FHIT: variants seen among roughly 807,000 people sequenced by gnomAD.
FHIT encodes fragile histidine triad diadenosine triphosphatase.
Under a neutral mutation model 17.9 loss-of-function variants are expected in FHIT, and 19 were observed. The ratio of observed to expected loss-of-function variants is 1.06; its 90% CI spans 0.74 to 1.56. FHIT has a LOEUF of 1.56. Among genes scored for constraint, FHIT ranks in the 40% most tolerant of loss-of-function variants. FHIT has a pLI of 0.00. For missense variants in FHIT, 248 were observed against 189.2 expected (o/e 1.31, Z -1.82); for synonymous variants, 81 against 69.7 (o/e 1.16, Z -0.81).
intron 5 of FHIT, among the ~76,000 whole-genome samples, chr3:60,282,256 G>A (rs147137050): frequency 8.3e-4 from 127 of 152,226 alleles, no homozygotes; most frequent in Non-Finnish European, 1.4e-3. Flanking sequence ...TTCACAACAC[G>A]AGAATGTATA....
intron 8 of FHIT, among the ~76,000 whole-genome samples, chr3:59,755,931 T>C (rs1439121135): frequency 1.3e-5 from 2 of 152,158 alleles, no homozygotes; most frequent in Non-Finnish European, 2.9e-5. Context: ...GCTTGAACAA[T>C]GAGAAGAACA....
intron 5 of FHIT, among the ~76,000 whole-genome samples, chr3:60,195,791 C>G (rs1702614260): frequency 6.7e-6 from 1 of 149,524 alleles, no homozygotes; most frequent in Non-Finnish European, 1.5e-5. Context: ...AACCAAATAC[C>G]ACGTGTTCTC....
chr3:60,126,825 A>G (rs1275783003), intron 5 of FHIT, among the ~76,000 whole-genome samples: 3 of 152,188 alleles, frequency 2.0e-5, no homozygotes, highest in Non-Finnish European at 4.4e-5. Flanking sequence ...GCCTAGTGTG[A>G]AAATTCAGGA....
At chr3:60,811,922 G>T (rs1553736137) in intron 4 of FHIT, among the ~76,000 whole-genome samples, 1 of 152,140 alleles carries the variant, frequency 6.6e-6, no homozygotes. Context: ...TTAAAAGTCT[G>T]AAATGTTGAC....
intron 5 of FHIT, among the ~76,000 whole-genome samples, chr3:60,169,874 C>T (rs1701342081): frequency 6.6e-6 from 1 of 152,110 alleles, no homozygotes; most frequent in African/African-American, 2.4e-5. Context: ...AAAATGGAAG[C>T]AAAGCTACCC....
intron 5 of FHIT, among the ~76,000 whole-genome samples, chr3:60,327,719 T>C (rs958035679): frequency 6.6e-6 from 1 of 152,164 alleles, no homozygotes; most frequent in Non-Finnish European, 1.5e-5. Flanking sequence ...GCAGAATGGG[T>C]AAGTAAAACA....
chr3:60,505,106 T>TA (rs1234827014), intron 5 of FHIT, among the ~76,000 whole-genome samples: 1 of 152,298 alleles, frequency 6.6e-6, no homozygotes, highest in African/African-American at 2.4e-5. Flanking sequence ...TCATGAGCTG[T>TA]AAAAACAGAA....
intron 5 of FHIT, among the ~76,000 whole-genome samples, chr3:60,021,713 C>A (rs369921659): frequency 6.6e-6 from 1 of 152,168 alleles, no homozygotes; most frequent in East Asian, 1.9e-4. Flanking sequence ...ACCAAGGTCA[C>A]GTAGCTATTA....
At chr3:61,181,378 CCT>C (rs1486116819) in intron 2 of FHIT, among the ~76,000 whole-genome samples, 1 of 151,906 alleles carries the variant, frequency 6.6e-6, no homozygotes. Context: ...TAGTAATATC[CCT>C]CCACTGTATT....
chr3:60,121,616 G>A (rs570861647), intron 5 of FHIT, among the ~76,000 whole-genome samples: 20 of 152,052 alleles, frequency 1.3e-4, no homozygotes, highest in South Asian at 8.3e-4. Context: ...CCAAGGAGGC[G>A]GAGGTGGCAG....
At chr3:60,560,221 A>G (rs1303463142) in intron 4 of FHIT, among the ~76,000 whole-genome samples, 1 of 152,172 alleles carries the variant, frequency 6.6e-6, no homozygotes, top group Non-Finnish European at 1.5e-5. Flanking sequence ...TTAACTAATT[A>G]GTATACCATA....
chr3:60,811,963 C>A (rs782469763), intron 4 of FHIT, among the ~76,000 whole-genome samples: 1 of 152,004 alleles, frequency 6.6e-6, no homozygotes, highest in African/African-American at 2.4e-5. Flanking sequence ...CTACTAATTA[C>A]AAGTAAAACA....
At chr3:60,325,990 G>A (rs912907561) in intron 5 of FHIT, among the ~76,000 whole-genome samples, 4 of 152,102 alleles carry the variant, frequency 2.6e-5, no homozygotes, top group East Asian at 1.9e-4. Flanking sequence ...ACTATCAAGC[G>A]AGGGCACTTC....
chr3:60,982,161 C>T (rs1198217566), intron 3 of FHIT, among the ~76,000 whole-genome samples: 1 of 152,234 alleles, frequency 6.6e-6, no homozygotes, highest in African/African-American at 2.4e-5. Context: ...CCCTTCAGTG[C>T]TTTCCCTGCT....
intron 4 of FHIT, among the ~76,000 whole-genome samples, chr3:60,785,924 C>CACAA (rs1559720928): frequency 8.5e-6 from 1 of 117,476 alleles, no homozygotes; most frequent in Non-Finnish European, 1.9e-5. Context: ...CACACACACA[C>CACAA]ACACACACAC....
At chr3:59,982,002 G>A (rs1708675988) in intron 7 of FHIT, among the ~76,000 whole-genome samples, 2 of 151,986 alleles carry the variant, frequency 1.3e-5, no homozygotes, top group South Asian at 4.1e-4. Flanking sequence ...AAAATCAGTT[G>A]ACTTCACTTC....
chr3:60,012,806 C>T (rs938715893), intron 6 of FHIT, among the ~76,000 whole-genome samples: 4 of 152,178 alleles, frequency 2.6e-5, no homozygotes, highest in African/African-American at 9.7e-5. Context: ...CAAGTCAGCT[C>T]TTACATTTAT....
chr3:60,037,049 TG>T (rs1040022715), intron 5 of FHIT, among the ~76,000 whole-genome samples: 1 of 152,206 alleles, frequency 6.6e-6, no homozygotes, highest in African/African-American at 2.4e-5. Context: ...TGGACAGTTC[TG>T]GGGAACATCG....
At chr3:60,937,841 G>A (rs536905665) in intron 3 of FHIT, among the ~76,000 whole-genome samples, 24 of 151,944 alleles carry the variant, frequency 1.6e-4, no homozygotes, top group African/African-American at 5.8e-4. Flanking sequence ...GGATTACAGG[G>A]GTGAGCCACC....
Sources: gnomAD v4.1 joint callset for allele counts (sites outside exome capture counted in the v4.1 genomes callset) on GRCh38, gnomAD v4.1.1 for gene constraint, MANE v1.5 for transcripts, NCBI Gene and HGNC (gene_info 2026-07-23, HGNC 2026-07-21) for gene names.